The following OXR1 variants were observed in gnomAD, a reference collection of about 807,000 sequenced individuals.
The protein encoded by OXR1 is oxidation resistance 1.
In OXR1, 41 loss-of-function variants were observed where a neutral mutation model predicts 104.6. That is an observed-to-expected ratio of 0.39 (90% confidence interval 0.31 to 0.51). The LOEUF is 0.51. OXR1 is among the 20% of genes least tolerant of loss of function. The probability of loss-of-function intolerance (pLI) is 0.77; values close to 1 mark genes in which losing one functional copy is unlikely to be tolerated. For synonymous variants in OXR1, 348 were observed against 348.4 expected (o/e 1.00, Z 0.01); for missense variants, 955 against 1,031.9 (o/e 0.93, Z 1.02).
intron 3 of OXR1, among the ~76,000 whole-genome samples, chr8:106,605,981 C>T (rs567996350): frequency 1.3e-5 from 1 of 77,834 alleles, no homozygotes; most frequent in South Asian, 3.8e-4. Flanking sequence ...CTATGGGATG[C>T]AAAGTGTTTA....
chr8:106,460,708 T>G (rs1820860754), intron 2 of OXR1, among the ~76,000 whole-genome samples: 1 of 152,156 alleles, frequency 6.6e-6, no homozygotes, highest in African/African-American at 2.4e-5. Context: ...CCTTAACATG[T>G]CTCGTTAAGG....
chr8:106,689,250 T>C (rs1320513666), intron 6 of OXR1, among the ~76,000 whole-genome samples: 1 of 152,068 alleles, frequency 6.6e-6, no homozygotes, highest in Non-Finnish European at 1.5e-5. Context: ...GCATTCCTTA[T>C]CTTGTAAATA....
intron 3 of OXR1, among the ~76,000 whole-genome samples, chr8:106,543,825 A>C (rs930644491): frequency 6.6e-6 from 1 of 152,182 alleles, no homozygotes; most frequent in African/African-American, 2.4e-5. Context: ...AAAACCTCCC[A>C]TTGCCATCCA....
intron 1 of OXR1, among the ~76,000 whole-genome samples, chr8:106,343,138 A>G (rs1815326072): frequency 1.3e-5 from 2 of 152,084 alleles, no homozygotes; most frequent in Non-Finnish European, 2.9e-5. Context: ...GATTGTTATA[A>G]TCTTCTCCCA....
At chr8:106,434,830 A>C (rs1819506694) in intron 2 of OXR1, among the ~76,000 whole-genome samples, 1 of 152,224 alleles carries the variant, frequency 6.6e-6, no homozygotes, top group African/African-American at 2.4e-5. Flanking sequence ...GCTATTCCTG[A>C]TGCTGGGCAT....
At chr8:106,703,144 C>T in intron 8 of OXR1, 54 bp downstream of exon 8, 1 of 1,195,170 alleles carries the variant, frequency 8.4e-7, no homozygotes, top group Non-Finnish European at 1.2e-6. Flanking sequence ...GATAGTTGAC[C>T]CTTGTCTAAT....
intron 6 of OXR1, among the ~76,000 whole-genome samples, chr8:106,685,886 C>T (rs1279301058): frequency 6.6e-6 from 1 of 151,834 alleles, no homozygotes; most frequent in Non-Finnish European, 1.5e-5. Context: ...AAATGCCCAT[C>T]AATCAACAAG....
At chr8:106,720,720 G>A in intron 11 of OXR1, 1 of 978,444 alleles carries the variant, frequency 1.0e-6, no homozygotes, top group Middle Eastern at 5.3e-4. Context: ...ACAAGGAGAG[G>A]AAGATCAAAA....
chr8:106,271,096 G>C (rs550820772), intron 1 of OXR1, among the ~76,000 whole-genome samples: 23 of 152,250 alleles, frequency 1.5e-4, no homozygotes, highest in Middle Eastern at 3.4e-3. Context: ...GGGTGAAGAG[G>C]GGGGGAGCTG....
At chr8:106,590,787 A>G (rs1819020185) in intron 3 of OXR1, among the ~76,000 whole-genome samples, 1 of 152,190 alleles carries the variant, frequency 6.6e-6, no homozygotes, top group Non-Finnish European at 1.5e-5. Context: ...GGCATGGCCT[A>G]TCAAAAGTCA....
chr8:106,563,124 T>A (rs1816800594), intron 3 of OXR1, among the ~76,000 whole-genome samples: 1 of 152,026 alleles, frequency 6.6e-6, no homozygotes, highest in African/African-American at 2.4e-5. Flanking sequence ...CATAACAATA[T>A]TAACCTTAAA....
At chr8:106,360,902 G>A (rs1232521791) in intron 2 of OXR1, among the ~76,000 whole-genome samples, 1 of 152,130 alleles carries the variant, frequency 6.6e-6, no homozygotes, top group African/African-American at 2.4e-5. Flanking sequence ...GGGACAGGAG[G>A]GTTGGGGAAA....
At chr8:106,693,996 T>A (rs972439758) in intron 7 of OXR1, among the ~76,000 whole-genome samples, 5 of 152,168 alleles carry the variant, frequency 3.3e-5, no homozygotes, top group Non-Finnish European at 7.4e-5. Context: ...TGTTGTGTTT[T>A]CATTTTCATT....
intron 11 of OXR1, among the ~76,000 whole-genome samples, chr8:106,718,838 CAA>C (rs34959772): frequency 2.0e-4 from 26 of 132,344 alleles, no homozygotes; most frequent in Non-Finnish European, 2.6e-4. Flanking sequence ...GACTCCACCT[CAA>C]AAAAAAAAAA....
intron 1 of OXR1, among the ~76,000 whole-genome samples, chr8:106,352,318 A>T (rs760162255): frequency 2.0e-5 from 3 of 152,142 alleles, no homozygotes; most frequent in Admixed American, 6.6e-5. Context: ...AATCCACTGG[A>T]TATGTTGGTT....
At chr8:106,416,380 A>G (rs1461072000) in intron 2 of OXR1, among the ~76,000 whole-genome samples, 1 of 152,106 alleles carries the variant, frequency 6.6e-6, no homozygotes. Flanking sequence ...TAAATTCTTG[A>G]CAAAGGGGTC....
chr8:106,398,226 T>C (rs1817858475), intron 2 of OXR1, among the ~76,000 whole-genome samples: 1 of 152,174 alleles, frequency 6.6e-6, no homozygotes, highest in African/African-American at 2.4e-5. Flanking sequence ...CTGTCAGTAA[T>C]TGCATTTCCG....
intron 12 of OXR1, among the ~76,000 whole-genome samples, chr8:106,739,155 G>A (rs917232913): frequency 2.0e-5 from 3 of 149,488 alleles, no homozygotes; most frequent in African/African-American, 4.9e-5. Context: ...GCCCTTCAAG[G>A]GCTTAATTAA....
intron 1 of OXR1, among the ~76,000 whole-genome samples, chr8:106,287,668 A>C (rs922215076): frequency 6.6e-6 from 1 of 152,080 alleles, no homozygotes; most frequent in African/African-American, 2.4e-5. Flanking sequence ...AAAAAAAAAA[A>C]ATCTGTGCAA....
Sources: allele counts gnomAD v4.1 joint callset (sites outside exome capture counted in the v4.1 genomes callset), GRCh38; gene constraint gnomAD v4.1.1; transcripts MANE v1.5; gene names NCBI Gene and HGNC (gene_info 2026-07-23, HGNC 2026-07-21).